The following SETD2 variants were observed in gnomAD, a reference collection of about 807,000 sequenced individuals.
SETD2 encodes SET domain containing 2, histone lysine methyltransferase, also known as histone-lysine N-methyltransferase SETD2.
SETD2 carries 31 observed loss-of-function variants against 242.1 expected under a neutral mutation model. The ratio of observed to expected loss-of-function variants is 0.13; its 90% CI spans 0.10 to 0.17. SETD2 has a LOEUF of 0.17. Among genes scored for constraint, SETD2 ranks in the 10% least tolerant of loss-of-function variants. The pLI is 1.00. For missense variants in SETD2, 2,481 were observed against 3,046.3 expected (o/e 0.81, Z 4.37); for synonymous variants, 1,006 against 1,066.5 (o/e 0.94, Z 1.11).
chr3:47,104,464 C>T (rs2042332281), intron 6 of SETD2, among the ~76,000 whole-genome samples: 1 of 151,804 alleles, frequency 6.6e-6, no homozygotes, highest in African/African-American at 2.4e-5. Context: ...TGCTTGAGCC[C>T]AGCAGTTCAA....
At chr3:47,143,244 C>A (rs559306780) in intron 1 of SETD2, among the ~76,000 whole-genome samples, 8 of 152,066 alleles carry the variant, frequency 5.3e-5, no homozygotes, top group Non-Finnish European at 1.0e-4. Context: ...CAGTGAGCTA[C>A]GATCTCACCA....
At chr3:47,024,942 G>A (rs1189670208) in intron 18 of SETD2, among the ~76,000 whole-genome samples, 1 of 152,154 alleles carries the variant, frequency 6.6e-6, no homozygotes, top group Non-Finnish European at 1.5e-5. Context: ...ACAATGGATG[G>A]AAAAGAGAAA....
intron 9 of SETD2, among the ~76,000 whole-genome samples, chr3:47,096,531 C>T (rs571288523): frequency 7.5e-6 from 1 of 133,856 alleles, no homozygotes; most frequent in East Asian, 2.1e-4. Context: ...ATGAATGCAT[C>T]ACTGAATTCC....
intron 13 of SETD2, among the ~76,000 whole-genome samples, chr3:47,066,555 C>A (rs1190505685): frequency 1.3e-5 from 2 of 151,970 alleles, no homozygotes; most frequent in African/African-American, 4.8e-5. Flanking sequence ...CACCATGTTT[C>A]CCAGGCTGGT....
intron 13 of SETD2, among the ~76,000 whole-genome samples, chr3:47,064,801 T>C (rs2040489743): frequency 6.8e-6 from 1 of 147,670 alleles, no homozygotes; most frequent in Non-Finnish European, 1.5e-5. Context: ...TAATATAATA[T>C]ATAAAAATAT....
Position 47,122,061 on chromosome 3 carries a change from T to C in SETD2, c.2575A>G (p.Thr859Ala), listed in dbSNP as rs587778669. The change falls in exon 3 of 21, where the codon ACT becomes GCT. Residue 859 changes from threonine to alanine, a missense_variant. Physicochemically the swap from Thr to Ala is moderately conservative, Grantham distance 58. Around this residue, in one of 17 missense-constraint regions of SETD2, gnomAD observed 1,300 missense variants for 1,259.2 expected, o/e 1.03. Transcript: ENST00000409792. Reference sequence around the variant, plus strand: ...AAATGATTAACAGAAGCTGAACTAGTGCTACCGATGCTCTGCTTATATTCT... The same window carrying C: ...AAATGATTAACAGAAGCTGAACTAGCGCTACCGATGCTCTGCTTATATTCT... Reference protein sequence around the residue: ...CEEYKQSIGSTSSASVNHFDD... With the variant: ...CEEYKQSIGSASSASVNHFDD... The C allele has an allele frequency of 6.2e-7, 1 of 1,613,850 alleles. No homozygotes were observed. The highest frequency in any genetic ancestry group is 2.2e-5 in the East Asian group (1 of 44,872).
At chr3:47,026,424 T>A (rs2038482612) in intron 18 of SETD2, among the ~76,000 whole-genome samples, 1 of 152,160 alleles carries the variant, frequency 6.6e-6, no homozygotes, top group African/African-American at 2.4e-5. Context: ...GAACCAGAAA[T>A]ACCATTTGAC....
At chr3:47,069,019 T>A (rs2107605024) in intron 12 of SETD2, among the ~76,000 whole-genome samples, 1 of 152,152 alleles carries the variant, frequency 6.6e-6, no homozygotes, top group Middle Eastern at 3.4e-3. Flanking sequence ...GGTCTCGAAC[T>A]CCTGACCTCA....
rs775717127 is a variant in SETD2, at chr3:47,120,974, G to A, written c.3662C>T (p.Thr1221Ile). 16 of 1,614,108 alleles carry A rather than the reference G, an allele frequency of 9.9e-6. 1 individual carries two copies. Among genetic ancestry groups the A allele is most frequent in the South Asian group, 6.6e-5 (6 of 91,094 alleles). The part of the protein sequence containing the change: ...DVPNKSWQQT[T>I]FQNRPDSRLG... ...TCTACTATCTGGCCTGTTTTGGAAA[G>A]TGGTCTGTTGCCAAGACTTATTTGG... is the stretch of plus-strand genomic sequence containing the variant. The change falls in exon 3 of 21, where the codon ACT (threonine) becomes ATT (isoleucine). Residue 1221 changes from threonine to isoleucine, a missense_variant. Physicochemically the swap from Thr to Ile is moderately conservative, Grantham distance 89. Around this residue, in one of 17 missense-constraint regions of SETD2, gnomAD observed 1,300 missense variants for 1,259.2 expected, o/e 1.03. Coordinates refer to ENST00000409792, the MANE Select transcript of SETD2 (RefSeq NM_014159.7).
chr3:47,143,640 T>C (rs1295108705), intron 1 of SETD2, among the ~76,000 whole-genome samples: 1 of 152,274 alleles, frequency 6.6e-6, no homozygotes, highest in Non-Finnish European at 1.5e-5. Flanking sequence ...CTAGTTGATC[T>C]ATAAAACAAA....
chr3:47,140,601 CTGTAATCTCAGCACT>C (rs1185078539), intron 1 of SETD2, among the ~76,000 whole-genome samples: 1 of 152,212 alleles, frequency 6.6e-6, no homozygotes, highest in African/African-American at 2.4e-5. Context: ...TGGCTCACGC[CTGTAATCTCAGCACT>C]TTGGGAGGCC....
rs1414461265 is a variant in SETD2, at chr3:47,050,778, G to A, written c.6964-4157C>T. ...CAGAGTCTCACTCTGTCACCCAGGC[G>A]GAAGTGCAGTGGCGCAATCTCAGCT... On this transcript the variant is annotated intron_variant, in intron 15 of 20. Coordinates refer to ENST00000409792, the MANE Select transcript of SETD2 (RefSeq NM_014159.7). 3.3e-5 allele frequency among the ~76,000 whole-genome samples: 4 copies of A among 121,272 alleles called. No homozygotes were observed. In the East Asian group the frequency reaches 7.9e-4, roughly 24 times the overall value. The allele number at this position is 121,272 out of a possible 152,430, so 79.6% of individuals were successfully genotyped here.
At chr3:47,098,342 T>A (rs2042083780) in intron 8 of SETD2, 2 of 277,588 alleles carry the variant, frequency 7.2e-6, no homozygotes, top group African/African-American at 2.2e-5. Context: ...TTTATGAGAA[T>A]ACCTAGTAAT....
chr3:47,067,798 A>C (rs1280992029), intron 12 of SETD2, among the ~76,000 whole-genome samples: 2 of 152,250 alleles, frequency 1.3e-5, no homozygotes, highest in Non-Finnish European at 2.9e-5. Context: ...AACACTTCAG[A>C]AAAATTGTAT....
chr3:47,039,181 G>A (rs1575671549), intron 17 of SETD2, among the ~76,000 whole-genome samples: 1 of 151,918 alleles, frequency 6.6e-6, no homozygotes, highest in Admixed American at 6.6e-5. Context: ...AGAAAAGATG[G>A]GAAAGGTACA....
In SETD2 at chr3:47,163,839, G is replaced by A; in HGVS notation, c.71+15C>T. On this transcript the variant is annotated intron_variant, in intron 1 of 20. Transcript: ENST00000409792. ...GCGGCCGACAGCAGCGGGGGGCCGC[G>A]GAGCTGATACTTACTCAGGGGTCGG... 9.4e-6 allele frequency: 12 copies of A among 1,279,246 alleles called. No homozygotes were observed. The highest frequency in any genetic ancestry group is 1.1e-5 in the Non-Finnish European group (11 of 1,004,900). The allele number at this position is 1,279,246 out of a possible 1,614,324, so 79.2% of individuals were successfully genotyped here.
rs2107742697 is a variant in SETD2, at chr3:47,120,536, A to C, written c.4100T>G (p.Val1367Gly). Residue 1367 changes from valine to glycine, a missense_variant, in exon 3 of 21, where the codon GTG (valine) becomes GGG (glycine). This residue lies in a region of SETD2 where 1,300 missense variants were observed against 1,259.2 expected (regional missense o/e 1.03). Transcript: ENST00000409792. The part of the protein sequence containing the change: ...LLSLQKDKGS[V>G]QAPEISSNSI... ...ATTGCTGCTTATTTCAGGTGCTTGC[A>C]CTGACCCCTTGTCTTTCTGAAGGGA... 6.2e-7 allele frequency: 1 copy of C among 1,614,164 alleles called. No homozygotes were observed. The highest frequency in any genetic ancestry group is 1.1e-5 in the South Asian group (1 of 91,086).
chr3:47,110,085 T>C (rs928818901), intron 5 of SETD2, among the ~76,000 whole-genome samples: 2 of 151,336 alleles, frequency 1.3e-5, no homozygotes, highest in East Asian at 1.9e-4. Flanking sequence ...TATTCAGCCA[T>C]AAATAGGAAT....
At chr3:47,157,765 C>T (rs1008587338) in intron 1 of SETD2, among the ~76,000 whole-genome samples, 1 of 151,482 alleles carries the variant, frequency 6.6e-6, no homozygotes, top group African/African-American at 2.4e-5. Context: ...CCCAGCTACT[C>T]GGGAGGCTGA....
Sources: gnomAD v4.1 joint callset for allele counts (sites outside exome capture counted in the v4.1 genomes callset) on GRCh38, gnomAD v4.1.1 for gene constraint, gnomAD v4.1.1 regional missense constraint, MANE v1.5 for transcripts, NCBI Gene and HGNC (gene_info 2026-07-23, HGNC 2026-07-21) for gene names.